DCDC1: variants seen among roughly 807,000 people sequenced by gnomAD.
DCDC1 encodes the protein doublecortin domain-containing protein 1.
DCDC1 carries 200 observed loss-of-function variants against 178.3 expected under a neutral mutation model. The observed-to-expected ratio is 1.12, with a 90% confidence interval of 1.00 to 1.26. DCDC1 has a LOEUF of 1.26. Ranked by LOEUF, DCDC1 falls within the 50% of genes most tolerant of loss-of-function variation. The pLI, the probability that DCDC1 is intolerant of heterozygous loss-of-function variation, is 0.00. For synonymous variants in DCDC1, 690 were observed against 604.8 expected, an observed-to-expected ratio of 1.14 and a Z score of -2.07; for missense variants, 1,983 against 1,749.2, an observed-to-expected ratio of 1.13 and a Z score of -2.38.
At chr11:30,934,209 A>C (rs1947117668) in intron 21 of DCDC1, among the ~76,000 whole-genome samples, 1 of 152,170 alleles carries the variant, frequency 6.6e-6, no homozygotes, top group African/African-American at 2.4e-5. Flanking sequence ...TTCGGGCCTT[A>C]AATTTATTAG....
chr11:30,970,932 A>G (rs1199551950), intron 20 of DCDC1, among the ~76,000 whole-genome samples: 1 of 152,168 alleles, frequency 6.6e-6, no homozygotes, highest in Non-Finnish European at 1.5e-5. Flanking sequence ...CCAGCACAGC[A>G]CACCACCATT....
intron 1 of DCDC1, among the ~76,000 whole-genome samples, chr11:31,353,773 G>C (rs1951189889): frequency 6.6e-6 from 1 of 152,118 alleles, no homozygotes. Flanking sequence ...TGAACTGCTT[G>C]ATATGTTGAG....
chr11:31,127,692 C>A (rs1961840475), intron 10 of DCDC1, 53 bp from the exon 11 acceptor site: 1 of 678,214 alleles, frequency 1.5e-6, no homozygotes, highest in South Asian at 1.6e-5. Context: ...GTTGATGTCA[C>A]ACCTATTAGA....
In DCDC1 at chr11:31,006,329, G is replaced by A. The variant is rs902787698; in HGVS notation, c.2592-53761C>T. 7.2e-5 allele frequency among the ~76,000 whole-genome samples: 11 copies of A among 152,106 alleles called. No homozygotes were observed. In the East Asian group the frequency reaches 1.5e-3, roughly 21 times the overall value. ...CTCCTAAATGTGGATTGCCTCCAAGGGTTAGTTGTAAGCCTTCAGTCTTCC... is the reference window on the plus strand; with the variant it reads ...CTCCTAAATGTGGATTGCCTCCAAGAGTTAGTTGTAAGCCTTCAGTCTTCC... On this transcript the variant is annotated intron_variant, in intron 20 of 38. Transcript: ENST00000684477.
chr11:31,179,436 A>G (rs1015784987), intron 9 of DCDC1, among the ~76,000 whole-genome samples: 3 of 152,228 alleles, frequency 2.0e-5, no homozygotes, highest in Non-Finnish European at 2.9e-5. Context: ...GCGTCCAACA[A>G]CAGATAAATG....
rs143147146 is a variant in DCDC1, at chr11:31,013,975, C to G, written c.2591+50494G>C. On this transcript the variant is annotated intron_variant, in intron 20 of 38. Transcript: ENST00000684477. ...ACCCTCTAATATAGCACTCAAAGAT[C>G]CCTGCCTCCTGGCATTTCCAACCTT... is the stretch of plus-strand genomic sequence containing the variant. Among the ~76,000 whole-genome samples the G allele has an allele frequency of 2.3e-3, 344 of 152,280 alleles. 2 individuals are homozygous for G. The highest frequency in any genetic ancestry group is 7.8e-3 in the African/African-American group (323 of 41,562).
intron 27 of DCDC1, among the ~76,000 whole-genome samples, chr11:30,913,838 C>T (rs1248516766): frequency 1.3e-5 from 2 of 152,306 alleles, no homozygotes; most frequent in East Asian, 3.9e-4. Flanking sequence ...TATGCAATGG[C>T]TTTCTCTTGC....
chr11:31,361,090 A>G (rs1951687069), intron 1 of DCDC1, among the ~76,000 whole-genome samples: 1 of 152,188 alleles, frequency 6.6e-6, no homozygotes, highest in Admixed American at 6.5e-5. Flanking sequence ...ATGGTTCTCA[A>G]CTTTCCAAAA....
intron 7 of DCDC1, chr11:31,280,834 A>T (rs1946371276): frequency 9.7e-6 from 6 of 621,330 alleles, no homozygotes; most frequent in Middle Eastern, 3.1e-4. Flanking sequence ...TCTTATTGGC[A>T]TCTGTGTAAG....
rs552963194 is a variant in DCDC1 at position 31,144,332 on chromosome 11, G to A, written c.1222-6548C>T. ...TTTTTTTTTAATTTTTTGTAGAGAC[G>A]GGGTTTCACCATGTTGCTCAGGCAT... On this transcript the variant is annotated intron_variant, in intron 9 of 38. Coordinates refer to ENST00000684477, the MANE Select transcript of DCDC1 (RefSeq NM_001387274.1). 3.3e-5 allele frequency among the ~76,000 whole-genome samples: 5 copies of A among 151,706 alleles called. 1 individual carries two copies. The South Asian group carries it at 6.3e-4, about 19-fold the overall frequency.
chr11:30,878,405 G>T, intron 38 of DCDC1, 139 bp downstream of exon 38: 1 of 752,084 alleles, frequency 1.3e-6, no homozygotes, highest in Non-Finnish European at 1.9e-6. Context: ...AGTAAGCTGT[G>T]ATTGTGCCAC....
At chr11:30,913,259 T>A (rs1275117344) in intron 27 of DCDC1, among the ~76,000 whole-genome samples, 1 of 151,868 alleles carries the variant, frequency 6.6e-6, no homozygotes, top group African/African-American at 2.4e-5. Flanking sequence ...ATACAAAAAA[T>A]TAGCTGGGCG....
chr11:31,121,153 T>C (rs1960737456), intron 11 of DCDC1, among the ~76,000 whole-genome samples: 1 of 151,918 alleles, frequency 6.6e-6, no homozygotes, highest in Non-Finnish European at 1.5e-5. Flanking sequence ...CAGTAAGAAA[T>C]TTTCAACTTA....
At chr11:31,061,300 T>C (rs988494240) in intron 20 of DCDC1, among the ~76,000 whole-genome samples, 1 of 152,146 alleles carries the variant, frequency 6.6e-6, no homozygotes, top group Non-Finnish European at 1.5e-5. Flanking sequence ...GATAAACTAA[T>C]GTAAACAAAC....
intron 18 of DCDC1, among the ~76,000 whole-genome samples, chr11:31,077,209 A>G (rs1008943944): frequency 2.0e-5 from 3 of 152,188 alleles, no homozygotes; most frequent in African/African-American, 7.2e-5. Flanking sequence ...AAGTCTTAGA[A>G]ATGAGAAACA....
intron 20 of DCDC1, among the ~76,000 whole-genome samples, chr11:31,020,497 C>T (rs1236227685): frequency 1.3e-5 from 2 of 152,136 alleles, no homozygotes; most frequent in Non-Finnish European, 2.9e-5. Flanking sequence ...CTTAAACTCC[C>T]AAACTAAAAA....
At chr11:31,158,276 T>G (rs1965944969) in intron 9 of DCDC1, among the ~76,000 whole-genome samples, 1 of 151,598 alleles carries the variant, frequency 6.6e-6, no homozygotes, top group African/African-American at 2.4e-5. Context: ...GCCCGGCTAA[T>G]TTTTTGCATT....
intron 1 of DCDC1, among the ~76,000 whole-genome samples, chr11:31,346,302 A>C (rs1950807621): frequency 6.6e-6 from 1 of 151,930 alleles, no homozygotes; most frequent in Non-Finnish European, 1.5e-5. Context: ...TCTACTAAAA[A>C]TACAAAAAAA....
chr11:31,169,566 A>ACCTCTTTGTCCTCATTTC lies in DCDC1; in HGVS notation c.1222-31800_1222-31783dup, dbSNP rs1221636772. 2.6e-5 allele frequency among the ~76,000 whole-genome samples: 4 copies of ACCTCTTTGTCCTCATTTC among 152,230 alleles called. No homozygotes were observed. In the South Asian group the frequency reaches 6.2e-4, roughly 24 times the overall value. On this transcript the variant is annotated intron_variant, in intron 9 of 38. Coordinates refer to ENST00000684477, the MANE Select transcript of DCDC1 (RefSeq NM_001387274.1). ...GGCCAGACAACGACTCATACATGCT[A>ACCTCTTTGTCCTCATTTC]CCTCTTTGTCCTCATTTCCCTCTTT...
Sources: allele counts gnomAD v4.1 joint callset (sites outside exome capture counted in the v4.1 genomes callset), GRCh38; gene constraint gnomAD v4.1.1; transcripts MANE v1.5; gene names NCBI Gene and HGNC (gene_info 2026-07-23, HGNC 2026-07-21).